The following PDE10A variants were observed in gnomAD, a reference collection of about 807,000 sequenced individuals.
The protein encoded by PDE10A is phosphodiesterase 10A.
Under a neutral mutation model 97.7 loss-of-function variants are expected in PDE10A, and 39 were observed. The observed-to-expected ratio is 0.40, with a 90% CI of 0.31 to 0.52. The LOEUF is 0.52. PDE10A is among the 20% of genes least tolerant of loss of function. The pLI is 0.56. For synonymous variants in PDE10A, 371 were observed against 376.8 expected (o/e 0.98, Z 0.18); for missense variants, 731 against 1,047.8 (o/e 0.70, Z 4.17).
chr6:165,497,787 T>G (rs1780625421), intron 2 of PDE10A, among the ~76,000 whole-genome samples: 1 of 152,182 alleles, frequency 6.6e-6, no homozygotes, highest in Non-Finnish European at 1.5e-5. Context: ...TTTGTTATAT[T>G]TATCTGAATT....
chr6:165,930,411 T>G (rs973659541), intron 1 of PDE10A, among the ~76,000 whole-genome samples: 1 of 152,186 alleles, frequency 6.6e-6, no homozygotes, highest in Admixed American at 6.5e-5. Context: ...TTCCTTCCTT[T>G]GCATGCGTTC....
At chr6:165,841,852 T>G (rs1780270235) in intron 1 of PDE10A, among the ~76,000 whole-genome samples, 1 of 152,136 alleles carries the variant, frequency 6.6e-6, no homozygotes, top group Non-Finnish European at 1.5e-5. Flanking sequence ...CAGAGCAGAG[T>G]GGGGCTTCAG....
intron 1 of PDE10A, among the ~76,000 whole-genome samples, chr6:165,619,444 A>ACAGTCTAGTG (rs1283703232): frequency 2.4e-4 from 4 of 16,964 alleles, no homozygotes; most frequent in Non-Finnish European, 3.2e-4. Flanking sequence ...GTAGTGTAGT[A>ACAGTCTAGTG]TAGTCTAGTG....
rs77576880 is a variant in PDE10A, at chr6:165,697,480, T to A, written c.-614-153912A>T. Among the ~76,000 whole-genome samples, 757 of 152,314 alleles carry A rather than the reference T, an allele frequency of 5.0e-3. 7 individuals carry two copies. Among genetic ancestry groups the A allele is most frequent in the African/African-American group, 0.017 (692 of 41,572 alleles). On this transcript the variant is annotated intron_variant, in intron 1 of 19. Coordinates refer to the PDE10A transcript ENST00000366882. ...ATTTGGTGCTATCTGACCTGTCTTATGAAAAATACTAAAGGAAGTTTTTCA... is the reference window on the plus strand; with the variant it reads ...ATTTGGTGCTATCTGACCTGTCTTAAGAAAAATACTAAAGGAAGTTTTTCA...
intron 1 of PDE10A, among the ~76,000 whole-genome samples, chr6:165,815,454 G>T (rs776713054): frequency 1.4e-4 from 22 of 152,204 alleles, no homozygotes; most frequent in African/African-American, 5.1e-4. Flanking sequence ...AGACAACAAA[G>T]TCAACCGTGT....
chr6:165,531,180 T>C (rs1277113809), intron 2 of PDE10A, among the ~76,000 whole-genome samples: 1 of 152,068 alleles, frequency 6.6e-6, no homozygotes, highest in Non-Finnish European at 1.5e-5. Flanking sequence ...TCATTGTACG[T>C]TGCCCTTTCC....
chr6:165,407,955 G>C (rs1184465275), intron 13 of PDE10A, among the ~76,000 whole-genome samples: 1 of 152,144 alleles, frequency 6.6e-6, no homozygotes, highest in African/African-American at 2.4e-5. Context: ...TAAAAGGAAT[G>C]TATTCAAGTA....
chr6:165,719,196 A>T lies in PDE10A; in HGVS notation c.-614-175628T>A, dbSNP rs146813690. Among the ~76,000 whole-genome samples, 1,406 of 152,300 alleles carry T rather than the reference A, an allele frequency of 9.2e-3. 20 individuals carry two copies. The highest frequency in any genetic ancestry group is 0.032 in the African/African-American group (1,314 of 41,564). ...ACTGAGGAAAAGAAATTATTAAAGA[A>T]GTAACACAGGAAAATCACCTAGGGC... On this transcript the variant is annotated intron_variant, in intron 1 of 19. Transcript: ENST00000366882.
At chr6:165,443,470 T>C (rs892849643) in intron 5 of PDE10A, among the ~76,000 whole-genome samples, 14 of 152,134 alleles carry the variant, frequency 9.2e-5, no homozygotes, top group African/African-American at 3.1e-4. Context: ...GCTGCTTTCA[T>C]GGGCTGGTGT....
intron 1 of PDE10A, among the ~76,000 whole-genome samples, chr6:165,631,143 G>A (rs948326100): frequency 6.6e-6 from 1 of 152,096 alleles, no homozygotes; most frequent in African/African-American, 2.4e-5. Context: ...TCTCTGTTCA[G>A]AACAATATTG....
At chr6:165,964,390 T>A (rs1438398227) in intron 1 of PDE10A, among the ~76,000 whole-genome samples, 2 of 152,226 alleles carry the variant, frequency 1.3e-5, no homozygotes, top group Non-Finnish European at 2.9e-5. Flanking sequence ...TTATTTTTTT[T>A]ATCACTATAA....
At chr6:165,461,781 T>C (rs1190718383) in intron 3 of PDE10A, among the ~76,000 whole-genome samples, 2 of 152,248 alleles carry the variant, frequency 1.3e-5, no homozygotes, top group Non-Finnish European at 2.9e-5. Context: ...ATTTAACCCA[T>C]GTTAATGCCT....
intron 19 of PDE10A, among the ~76,000 whole-genome samples, 155 bp from the exon 20 acceptor site, chr6:165,339,513 AACTT>A (rs1781850310): frequency 6.6e-6 from 1 of 152,218 alleles, no homozygotes; most frequent in African/African-American, 2.4e-5. Context: ...AATAAAGAAA[AACTT>A]AATGTATCAT....
chr6:165,651,138 G>A lies in PDE10A; in HGVS notation c.865+10809C>T, dbSNP rs572152139. Among the ~76,000 whole-genome samples, 10 of 152,306 alleles carry A rather than the reference G, an allele frequency of 6.6e-5. No homozygotes were observed. The South Asian group carries it at 1.0e-3, about 16-fold the overall frequency. On this transcript the variant is annotated intron_variant, in intron 1 of 21. Transcript: ENST00000539869. The stretch of plus-strand genomic sequence containing the variant: ...AAAGTACAGAAGCACCTGCCTCCTC[G>A]TGGACTTGCCAACAGTGTGTTATGA...
At chr6:165,615,991 T>C (rs1787709270) in intron 1 of PDE10A, among the ~76,000 whole-genome samples, 1 of 152,264 alleles carries the variant, frequency 6.6e-6, no homozygotes, top group Non-Finnish European at 1.5e-5. Flanking sequence ...CCTGATTTTT[T>C]ACCCACAAAT....
intron 1 of PDE10A, among the ~76,000 whole-genome samples, chr6:165,976,091 T>G (rs1362786628): frequency 2.0e-5 from 3 of 152,188 alleles, no homozygotes; most frequent in Non-Finnish European, 4.4e-5. Flanking sequence ...ATGGATAAAA[T>G]TAGCATGTTG....
At chr6:165,719,241 G>A (rs1388371354) in intron 1 of PDE10A, among the ~76,000 whole-genome samples, 1 of 152,212 alleles carries the variant, frequency 6.6e-6, no homozygotes, top group Non-Finnish European at 1.5e-5. Flanking sequence ...GGAGTCTCAT[G>A]TTCAATGGCA....
chr6:165,899,720 C>T (rs1203769322), intron 1 of PDE10A, among the ~76,000 whole-genome samples: 3 of 152,184 alleles, frequency 2.0e-5, no homozygotes, highest in Admixed American at 6.5e-5. Context: ...GTGCGCTGGC[C>T]GGGCTGTACC....
chr6:165,599,582 A>G (rs934755617), intron 1 of PDE10A, among the ~76,000 whole-genome samples: 3 of 152,244 alleles, frequency 2.0e-5, no homozygotes, highest in Non-Finnish European at 4.4e-5. Flanking sequence ...ATTACATTTT[A>G]GTATCATAAA....
Sources: allele counts gnomAD v4.1 joint callset (sites outside exome capture counted in the v4.1 genomes callset), GRCh38; gene constraint gnomAD v4.1.1; transcripts MANE v1.5; gene names NCBI Gene and HGNC (gene_info 2026-07-23, HGNC 2026-07-21).